The following TRAPPC9 variants were observed in gnomAD, a reference collection of about 807,000 sequenced individuals.
TRAPPC9 encodes the protein IKK2 binding protein.
A neutral mutation model predicts 124.0 loss-of-function variants in TRAPPC9; 83 were observed. The ratio of observed to expected loss-of-function variants is 0.67; its 90% CI spans 0.56 to 0.80. The LOEUF is 0.80. Among genes scored for constraint, TRAPPC9 ranks in the 30% least tolerant of loss-of-function variants. TRAPPC9 has a pLI of 0.00. For missense variants in TRAPPC9, 1,302 were observed against 1,508.3 expected (o/e 0.86, Z 2.27); for synonymous variants, 638 against 617.5 (o/e 1.03, Z -0.49).
At chr8:140,203,350 T>A (rs1420645149) in intron 17 of TRAPPC9, among the ~76,000 whole-genome samples, 2 of 152,168 alleles carry the variant, frequency 1.3e-5, no homozygotes, top group African/African-American at 4.8e-5. Context: ...GAATGTGAAA[T>A]TTCTCTCCTT....
intron 9 of TRAPPC9, among the ~76,000 whole-genome samples, chr8:140,357,926 C>G (rs1383173607): frequency 3.9e-5 from 6 of 152,144 alleles, no homozygotes; most frequent in African/African-American, 1.2e-4. Context: ...GTCGCAGGGG[C>G]CCCGGTCAGA....
At chr8:139,980,124 C>A (rs950827233) in intron 19 of TRAPPC9, among the ~76,000 whole-genome samples, 1 of 151,888 alleles carries the variant, frequency 6.6e-6, no homozygotes. Context: ...AGCTCCATGC[C>A]CCCCCAGACT....
chr8:139,822,758 T>C (rs941736062), intron 21 of TRAPPC9, among the ~76,000 whole-genome samples: 1 of 152,196 alleles, frequency 6.6e-6, no homozygotes. Flanking sequence ...ACCAGGACCA[T>C]GGCTGGGTAG....
intron 21 of TRAPPC9, among the ~76,000 whole-genome samples, chr8:139,748,230 G>A (rs71514635): frequency 1.6e-5 from 1 of 63,622 alleles, no homozygotes; most frequent in African/African-American, 9.9e-5. Context: ...GATGCAGGGG[G>A]TATACACAGC....
chr8:140,083,749 G>A (rs936964563), intron 17 of TRAPPC9, among the ~76,000 whole-genome samples: 11 of 151,880 alleles, frequency 7.2e-5, no homozygotes, highest in South Asian at 2.1e-4. Context: ...ACACTGCAAC[G>A]TTTGCCTCCT....
rs1817669380 is a variant in TRAPPC9 at position 139,728,687 on chromosome 8, G to A, written c.*2374C>T. Among the ~76,000 whole-genome samples, 1 of 152,210 alleles carries A rather than the reference G, an allele frequency of 6.6e-6. No homozygotes were observed. The highest frequency in any genetic ancestry group is 2.4e-5 in the African/African-American group (1 of 41,464). On this transcript the variant is annotated 3_prime_UTR_variant, in exon 23 of 23. Transcript: ENST00000438773. Reference sequence around the variant, plus strand: ...CCTTCTCTACTGGGACAGAAAGGGTGCCCTGGGGGTGGGGAAGGGCCTGGG... The same window carrying A: ...CCTTCTCTACTGGGACAGAAAGGGTACCCTGGGGGTGGGGAAGGGCCTGGG...
At chr8:140,088,678 C>G (rs1432689602) in intron 17 of TRAPPC9, among the ~76,000 whole-genome samples, 2 of 152,206 alleles carry the variant, frequency 1.3e-5, no homozygotes, top group African/African-American at 2.4e-5. Flanking sequence ...AACTACGCTA[C>G]TTCCTCAGGT....
Position 140,204,701 on chromosome 8 carries a change from A to C in TRAPPC9, c.2556+16758T>G, listed in dbSNP as rs554172286. Among the ~76,000 whole-genome samples the C allele has an allele frequency of 2.6e-5, 4 of 152,306 alleles. No individual in the cohort carries two copies. In the South Asian group the frequency reaches 6.2e-4, roughly 24 times the overall value. The stretch of plus-strand genomic sequence containing the variant: ...CACACCAGCTCCCCCTTTGCCTTCT[A>C]TCATGATTGGAAGCCTCTGAGGTCC... On this transcript the variant is annotated intron_variant, in intron 17 of 22. Transcript: ENST00000438773.
chr8:140,132,749 G>A (rs1200051988), intron 17 of TRAPPC9, among the ~76,000 whole-genome samples: 3 of 151,996 alleles, frequency 2.0e-5, no homozygotes, highest in Non-Finnish European at 1.5e-5. Flanking sequence ...TGGGAAAGGT[G>A]CAAGTGGGAG....
intron 9 of TRAPPC9, among the ~76,000 whole-genome samples, chr8:140,339,398 A>G (rs1294871719): frequency 6.6e-6 from 1 of 152,254 alleles, no homozygotes; most frequent in African/African-American, 2.4e-5. Context: ...GCTTGAAATT[A>G]TCAATCAAAT....
intron 17 of TRAPPC9, among the ~76,000 whole-genome samples, chr8:140,089,227 T>TCC (rs200936671): frequency 1.3e-5 from 2 of 151,956 alleles, no homozygotes; most frequent in Admixed American, 6.6e-5. Context: ...AAAAGCCTCT[T>TCC]CCCCCCCGAG....
chr8:139,972,833 C>T (rs1336138469), intron 19 of TRAPPC9, among the ~76,000 whole-genome samples: 1 of 152,196 alleles, frequency 6.6e-6, no homozygotes, highest in Non-Finnish European at 1.5e-5. Context: ...TACCAAAATG[C>T]TTATAGATGA....
intron 7 of TRAPPC9, among the ~76,000 whole-genome samples, chr8:140,388,491 C>A (rs1180171411): frequency 6.6e-6 from 1 of 152,042 alleles, no homozygotes; most frequent in African/African-American, 2.4e-5. Context: ...TGAGACCAGC[C>A]TGACCAACAT....
intron 19 of TRAPPC9, among the ~76,000 whole-genome samples, chr8:139,975,465 C>T (rs1836379025): frequency 6.6e-6 from 1 of 152,222 alleles, no homozygotes; most frequent in Non-Finnish European, 1.5e-5. Flanking sequence ...AACCACGACT[C>T]CCACAGGAGG....
upstream of TRAPPC9, chr8:140,458,485 G>A (rs1378658403): frequency 1.3e-6 from 2 of 1,574,096 alleles, no homozygotes; most frequent in Non-Finnish European, 1.7e-6. Context: ...CAGGGCCCGG[G>A]AGGCACGTGA....
At chr8:140,440,083 T>C (rs1339428637) in intron 2 of TRAPPC9, among the ~76,000 whole-genome samples, 1 of 152,194 alleles carries the variant, frequency 6.6e-6, no homozygotes, top group Non-Finnish European at 1.5e-5. Flanking sequence ...CCATTCTGAA[T>C]AAGTTTTAAA....
At chr8:139,856,342 G>T (rs1245651259) in intron 21 of TRAPPC9, among the ~76,000 whole-genome samples, 1 of 149,244 alleles carries the variant, frequency 6.7e-6, no homozygotes, top group Non-Finnish European at 1.5e-5. Flanking sequence ...AACCCTCTCC[G>T]GGGATTTTTT....
intron 21 of TRAPPC9, among the ~76,000 whole-genome samples, chr8:139,753,073 T>TCC (rs1819456061): frequency 1.6e-5 from 2 of 123,862 alleles, no homozygotes; most frequent in Admixed American, 1.6e-4. Flanking sequence ...CCCACCCATC[T>TCC]ATCCATCCAT....
chr8:139,807,151 T>C (rs2130722995), intron 21 of TRAPPC9, among the ~76,000 whole-genome samples: 1 of 152,270 alleles, frequency 6.6e-6, no homozygotes, highest in South Asian at 2.1e-4. Flanking sequence ...AAGCCAGGGA[T>C]TTCCAGCGCA....
Sources: allele counts gnomAD v4.1 joint callset (sites outside exome capture counted in the v4.1 genomes callset), GRCh38; gene constraint gnomAD v4.1.1; transcripts MANE v1.5; gene names NCBI Gene and HGNC (gene_info 2026-07-23, HGNC 2026-07-21).